The following CPAMD8 variants were observed in gnomAD, a reference collection of about 807,000 sequenced individuals.
CPAMD8 encodes C3 and PZP like alpha-2-macroglobulin domain containing 8.
CPAMD8 carries 146 observed loss-of-function variants against 224.7 expected under a neutral mutation model. The ratio of observed to expected loss-of-function variants is 0.65; its 90% CI spans 0.57 to 0.75. The LOEUF (loss-of-function observed/expected upper bound fraction) is 0.75, where lower values mean the gene tolerates loss of function less well. Ranked by LOEUF, CPAMD8 falls within the 30% of genes least tolerant of loss-of-function variation. CPAMD8 has a pLI of 0.00. For synonymous variants in CPAMD8, 966 were observed against 1,044.6 expected, an observed-to-expected ratio of 0.92 and a Z score of 1.45; for missense variants, 2,301 against 2,537.5, an observed-to-expected ratio of 0.91 and a Z score of 2.00.
rs149254171 is a variant in CPAMD8 at position 16,978,036 on chromosome 19, T to C, written c.1586-496A>G. Among the ~76,000 whole-genome samples, 968 of 152,224 alleles carry C rather than the reference T, an allele frequency of 6.4e-3. 5 individuals are homozygous for C. Among genetic ancestry groups the C allele is most frequent in the African/African-American group, 0.022 (920 of 41,550 alleles). On this transcript the variant is annotated intron_variant, in intron 14 of 41. Transcript: ENST00000443236. The stretch of plus-strand genomic sequence containing the variant: ...CTGTGGGTAAATGATCCTTAAAGGA[T>C]AGAGGATCTTAGAAGCCTGTCCAGG...
intron 23 of CPAMD8, among the ~76,000 whole-genome samples, chr19:16,935,133 A>C (rs1263734675): frequency 6.6e-6 from 1 of 152,182 alleles, no homozygotes; most frequent in African/African-American, 2.4e-5. Context: ...TAAGATAATC[A>C]CATGCAATTG....
rs773265383 is a variant in CPAMD8, at chr19:16,906,942, G to A, written c.4027+10C>T. 18 of 1,575,376 alleles carry A rather than the reference G, an allele frequency of 1.1e-5. No individual in the cohort carries two copies. The East Asian group carries it at 3.4e-4, about 30-fold the overall frequency. On this transcript the variant is annotated intron_variant, in intron 30 of 41. Transcript: ENST00000443236. Reference sequence around the variant, plus strand: ...CGCTGTGGCCTCTGGGGAGGGCCAGGGACACCTACCTCGCATGATGGCCAG... The same window carrying A: ...CGCTGTGGCCTCTGGGGAGGGCCAGAGACACCTACCTCGCATGATGGCCAG...
At chr19:16,963,313 A>G (rs1010415802) in intron 18 of CPAMD8, among the ~76,000 whole-genome samples, 3 of 152,220 alleles carry the variant, frequency 2.0e-5, no homozygotes, top group Admixed American at 6.5e-5. Flanking sequence ...ATGTGCAGAG[A>G]CACACATAGT....
chr19:17,015,613 T>C (rs1309909374), intron 3 of CPAMD8, among the ~76,000 whole-genome samples: 4 of 152,094 alleles, frequency 2.6e-5, no homozygotes, highest in Non-Finnish European at 4.4e-5. Context: ...GACTGCAGTT[T>C]CCCCGTCAAG....
intron 3 of CPAMD8, among the ~76,000 whole-genome samples, chr19:17,012,577 G>A (rs2056690688): frequency 6.6e-6 from 1 of 151,828 alleles, no homozygotes; most frequent in Non-Finnish European, 1.5e-5. Context: ...TCAAACTCCT[G>A]GGCTCAAGCG....
At chr19:16,928,787 G>GTTTTTTTTTTTTTTTTTTTTTTTT (rs2053454885) in intron 24 of CPAMD8, among the ~76,000 whole-genome samples, 155 bp downstream of exon 24, 1 of 146,682 alleles carries the variant, frequency 6.8e-6, no homozygotes. Context: ...TTTTTTTTCG[G>GTTTTTTTTTTTTTTTTTTTTTTTT]TAAGCGACTC....
At chr19:16,929,378 T>C in intron 23 of CPAMD8, 138 bp from the exon 24 acceptor site, 1 of 676,704 alleles carries the variant, frequency 1.5e-6, no homozygotes, top group South Asian at 1.9e-5. Flanking sequence ...GGAATGGTGT[T>C]GGCCTAACAA....
chr19:16,921,791 T>A (rs913032561), intron 27 of CPAMD8, 114 bp downstream of exon 27: 1 of 683,534 alleles, frequency 1.5e-6, no homozygotes, highest in African/African-American at 1.8e-5. Context: ...CCAGCTGTGT[T>A]CCCTGTCATC....
At chr19:16,893,524 C>G (rs1038975961) in intron 41 of CPAMD8, 185 bp from the exon 42 acceptor site, 11 of 540,212 alleles carry the variant, frequency 2.0e-5, no homozygotes, top group Non-Finnish European at 3.3e-5. Context: ...GAGATCAGGG[C>G]TGAGCGGTGT....
chr19:16,965,697 AACAG>A (rs2054805271), intron 18 of CPAMD8, among the ~76,000 whole-genome samples: 1 of 152,204 alleles, frequency 6.6e-6, no homozygotes, highest in Non-Finnish European at 1.5e-5. Context: ...TACACCAATT[AACAG>A]ACAAACAGAG....
rs751013495 is a variant in CPAMD8 at position 16,993,427 on chromosome 19, C to T, written c.1255G>A (p.Val419Met). ...IPSIPTSAQH[V>M]WLETKVMALN... ...CGGGACTCACCCACCTCCAGCCACA[C>T]GTGCTGGGCTGACGTGGGGATGGAG... Residue 419 changes from valine (V) to methionine (M), a missense_variant, in exon 12 of 42, where the codon GTG (valine) becomes ATG (methionine). By Grantham distance (21) the Val-to-Met change is conservative. Around this residue, in one of 4 missense-constraint regions of CPAMD8, gnomAD observed 301 missense variants for 406.6 expected, o/e 0.74. Transcript: ENST00000443236. 3.5e-5 allele frequency: 56 copies of T among 1,612,884 alleles called. No homozygotes were observed. Among genetic ancestry groups the T allele is most frequent in the South Asian group, 2.0e-4 (18 of 90,908 alleles).
chr19:16,970,127 T>C (rs2055003682), intron 18 of CPAMD8, among the ~76,000 whole-genome samples: 1 of 146,934 alleles, frequency 6.8e-6, no homozygotes, highest in Admixed American at 6.9e-5. Context: ...TAGTCTCAGC[T>C]ACTCAGGAGG....
chr19:16,975,516 G>A (rs1221586658), intron 16 of CPAMD8, among the ~76,000 whole-genome samples: 1 of 152,066 alleles, frequency 6.6e-6, no homozygotes, highest in Non-Finnish European at 1.5e-5. Flanking sequence ...AGACCAGCCT[G>A]GGCAACATAG....
chr19:16,961,430 A>G (rs1239639086), intron 18 of CPAMD8, among the ~76,000 whole-genome samples: 6 of 152,242 alleles, frequency 3.9e-5, no homozygotes, highest in Non-Finnish European at 8.8e-5. Context: ...GCAGTCTGAG[A>G]TCGAACTGCG....
chr19:16,925,681 G>A (rs2053334192), intron 25 of CPAMD8, among the ~76,000 whole-genome samples: 1 of 152,216 alleles, frequency 6.6e-6, no homozygotes, highest in Middle Eastern at 3.4e-3. Flanking sequence ...TGGCCTCTAA[G>A]TACAACTTTG....
At chr19:16,928,353 G>A (rs1465864321) in intron 24 of CPAMD8, 119 bp from the exon 25 acceptor site, 12 of 733,176 alleles carry the variant, frequency 1.6e-5, no homozygotes, top group Non-Finnish European at 2.7e-5. Flanking sequence ...CACAGTGCAA[G>A]GAAGGGTCTT....
chr19:16,909,222 G>GC (rs2052633338), intron 29 of CPAMD8, among the ~76,000 whole-genome samples: 2 of 152,184 alleles, frequency 1.3e-5, no homozygotes, highest in South Asian at 2.1e-4. Context: ...GATTAAGGTG[G>GC]CCTCAAATCC....
At chr19:17,018,834 A>G (rs1279076405) in intron 3 of CPAMD8, among the ~76,000 whole-genome samples, 1 of 149,946 alleles carries the variant, frequency 6.7e-6, no homozygotes. Context: ...GCTTGAAACC[A>G]GGGTCAGAGG....
intron 5 of CPAMD8, among the ~76,000 whole-genome samples, chr19:17,010,680 T>G (rs2056620692): frequency 2.6e-5 from 4 of 152,180 alleles, no homozygotes; most frequent in Admixed American, 2.6e-4. Context: ...TAAAATAATT[T>G]TGTAAGTATA....
Sources: gnomAD v4.1 joint callset for allele counts (sites outside exome capture counted in the v4.1 genomes callset) on GRCh38, gnomAD v4.1.1 for gene constraint, gnomAD v4.1.1 regional missense constraint, MANE v1.5 for transcripts, NCBI Gene and HGNC (gene_info 2026-07-23, HGNC 2026-07-21) for gene names.